GPM6A: variants seen among roughly 807,000 people sequenced by gnomAD.
The protein encoded by GPM6A is neuronal membrane glycoprotein M6-a.
Under a neutral mutation model 32.1 loss-of-function variants are expected in GPM6A, and 7 were observed. The observed-to-expected ratio is 0.22, with a 90% confidence interval of 0.12 to 0.41. The LOEUF (loss-of-function observed/expected upper bound fraction) is 0.41, where lower values mean the gene tolerates loss of function less well. Ranked by LOEUF, GPM6A falls within the 10% of genes least tolerant of loss-of-function variation. GPM6A has a pLI of 1.00. For missense variants in GPM6A, 235 were observed against 347.2 expected (o/e 0.68, Z 2.57); for synonymous variants, 130 against 123.4 (o/e 1.05, Z -0.35).
chr4:175,698,399 C>T (rs1333728882), intron 2 of GPM6A, among the ~76,000 whole-genome samples: 5 of 152,090 alleles, frequency 3.3e-5, no homozygotes, highest in Non-Finnish European at 7.4e-5. Flanking sequence ...AGTTGATTTC[C>T]AAGGAGATGT....
intron 1 of GPM6A, among the ~76,000 whole-genome samples, chr4:175,865,541 T>C (rs761689404): frequency 6.6e-6 from 1 of 152,234 alleles, no homozygotes; most frequent in Non-Finnish European, 1.5e-5. Flanking sequence ...TTAACAATAT[T>C]GAGTTTTCCA....
chr4:175,697,619 TAAAAGC>T (rs1237007936), intron 2 of GPM6A, among the ~76,000 whole-genome samples: 1 of 152,084 alleles, frequency 6.6e-6, no homozygotes, highest in African/African-American at 2.4e-5. Context: ...ATTAAGGGAT[TAAAAGC>T]TTCTGGGGAA....
At chr4:175,673,031 ATGTC>A (rs1331711281) in intron 3 of GPM6A, among the ~76,000 whole-genome samples, 7 of 152,238 alleles carry the variant, frequency 4.6e-5, no homozygotes, top group South Asian at 2.1e-4. Flanking sequence ...AAAGGAAAAT[ATGTC>A]TGTCAAGAAT....
At chr4:175,682,685 C>T (rs534426051) in intron 2 of GPM6A, among the ~76,000 whole-genome samples, 2 of 152,254 alleles carry the variant, frequency 1.3e-5, no homozygotes, top group Admixed American at 6.5e-5. Context: ...TCAAAAGGCA[C>T]CAGATACAGC....
intron 1 of GPM6A, among the ~76,000 whole-genome samples, chr4:175,933,230 A>C (rs1034139332): frequency 2.0e-5 from 3 of 152,220 alleles, no homozygotes; most frequent in Admixed American, 1.3e-4. Flanking sequence ...AATGATCAAT[A>C]AGCTCATAAA....
Position 175,758,469 on chromosome 4 carries a change from G to A in GPM6A, c.37+53722C>T, listed in dbSNP as rs183231275. Among the ~76,000 whole-genome samples the A allele has an allele frequency of 1.1e-3, 171 of 152,208 alleles. 2 individuals carry two copies. The highest frequency in any genetic ancestry group is 3.4e-3 in the Middle Eastern group (1 of 294). On this transcript the variant is annotated intron_variant, in intron 1 of 6. Transcript: ENST00000393658. ...AATCTGTTGGCTTCACCAATTCCAA[G>A]CATATGATTATGTATGTAAAATAGC...
chr4:175,872,801 G>T (rs922230632), intron 1 of GPM6A: 8 of 152,076 alleles, frequency 5.3e-5, no homozygotes, highest in African/African-American at 1.7e-4. Flanking sequence ...ATGGTATAAC[G>T]CTCCTGTGAA....
At chr4:175,717,396 A>G (rs1745894884) in intron 1 of GPM6A, among the ~76,000 whole-genome samples, 1 of 152,164 alleles carries the variant, frequency 6.6e-6, no homozygotes, top group Non-Finnish European at 1.5e-5. Flanking sequence ...CTTGATCATA[A>G]TATCCATTCA....
At chr4:175,871,734 A>G (rs1736915895) in intron 1 of GPM6A, among the ~76,000 whole-genome samples, 1 of 152,170 alleles carries the variant, frequency 6.6e-6, no homozygotes, top group South Asian at 2.1e-4. Context: ...CCTATTTCAG[A>G]GTCTTTGTGC....
chr4:175,890,809 G>A (rs1737625099), intron 1 of GPM6A, among the ~76,000 whole-genome samples: 1 of 151,954 alleles, frequency 6.6e-6, no homozygotes, highest in South Asian at 2.1e-4. Context: ...TTCCACTTTG[G>A]TCTCCCAAAG....
intron 1 of GPM6A, among the ~76,000 whole-genome samples, chr4:175,804,380 C>T (rs1734594986): frequency 6.6e-6 from 1 of 152,146 alleles, no homozygotes; most frequent in African/African-American, 2.4e-5. Flanking sequence ...TTTCTTGGAA[C>T]TGAAATGGAA....
chr4:175,960,550 G>T (rs927025306), intron 1 of GPM6A, among the ~76,000 whole-genome samples: 1 of 152,102 alleles, frequency 6.6e-6, no homozygotes, highest in Admixed American at 6.5e-5. Context: ...GGTATTAAGC[G>T]CCAGATCCAT....
chr4:175,877,952 A>T (rs1452817732), intron 1 of GPM6A, among the ~76,000 whole-genome samples: 1 of 152,108 alleles, frequency 6.6e-6, no homozygotes, highest in African/African-American at 2.4e-5. Flanking sequence ...TGGTAAAAAC[A>T]CTCACTCGAA....
At chr4:175,811,594 TAC>T (rs1734921821) in intron 1 of GPM6A, among the ~76,000 whole-genome samples, 1 of 152,188 alleles carries the variant, frequency 6.6e-6, no homozygotes, top group South Asian at 2.1e-4. Flanking sequence ...AGAAGTTGAT[TAC>T]AGTCAACTAT....
At chr4:175,872,178 G>A (rs982257973) in intron 1 of GPM6A, among the ~76,000 whole-genome samples, 2 of 152,088 alleles carry the variant, frequency 1.3e-5, no homozygotes, top group African/African-American at 4.8e-5. Context: ...TTTTTGCACA[G>A]TTTACAGAGG....
At chr4:175,833,553 A>G (rs1413630910) in intron 1 of GPM6A, among the ~76,000 whole-genome samples, 2 of 152,242 alleles carry the variant, frequency 1.3e-5, no homozygotes, top group Non-Finnish European at 2.9e-5. Context: ...ATAAACATGA[A>G]AACAAATAAA....
chr4:175,900,352 A>G (rs13102777), intron 1 of GPM6A, among the ~76,000 whole-genome samples: 33 of 77,234 alleles, frequency 4.3e-4, no homozygotes, highest in South Asian at 8.4e-4. Flanking sequence ...GGAAAGGAAA[A>G]GAAAGGAAAG....
intron 1 of GPM6A, among the ~76,000 whole-genome samples, chr4:175,833,201 G>A (rs1385274211): frequency 1.3e-5 from 2 of 152,104 alleles, no homozygotes; most frequent in East Asian, 3.9e-4. Context: ...AAATTCTGGT[G>A]AAAATTATTA....
Position 175,778,212 on chromosome 4 carries a change from G to A in GPM6A, c.37+33979C>T, listed in dbSNP as rs141444758. Reference sequence around the variant, plus strand: ...GGGAAAAATTATCCTAAGGAAGGCTGAAGCATTTAGATTTAGGCTACAAAT... The same window carrying A: ...GGGAAAAATTATCCTAAGGAAGGCTAAAGCATTTAGATTTAGGCTACAAAT... On this transcript the variant is annotated intron_variant, in intron 1 of 6. Coordinates refer to ENST00000393658, the MANE Select transcript of GPM6A (RefSeq NM_201591.3). Among the ~76,000 whole-genome samples, 1,319 of 152,320 alleles carry A rather than the reference G, an allele frequency of 8.7e-3. 10 individuals carry two copies. Among genetic ancestry groups the A allele is most frequent in the Non-Finnish European group, 0.014 (965 of 68,028 alleles).
Sources: allele counts gnomAD v4.1 joint callset (sites outside exome capture counted in the v4.1 genomes callset), GRCh38; gene constraint gnomAD v4.1.1; transcripts MANE v1.5; gene names NCBI Gene and HGNC (gene_info 2026-07-23, HGNC 2026-07-21).